SLC4A10: variants seen among roughly 807,000 people sequenced by gnomAD.
SLC4A10 encodes the protein sodium-driven chloride bicarbonate exchanger.
Under a neutral mutation model 137.7 loss-of-function variants are expected in SLC4A10, and 42 were observed. That is an observed-to-expected ratio of 0.30 (90% CI 0.24 to 0.39). The LOEUF (loss-of-function observed/expected upper bound fraction) is 0.39. Among genes scored for constraint, SLC4A10 ranks in the 10% least tolerant of loss-of-function variants. The probability of loss-of-function intolerance (pLI) is 1.00; values close to 1 mark genes in which losing one functional copy is unlikely to be tolerated. For missense variants in SLC4A10, 925 were observed against 1,355.0 expected, an observed-to-expected ratio of 0.68 and a Z score of 4.98; for synonymous variants, 474 against 464.1, an observed-to-expected ratio of 1.02 and a Z score of -0.27.
rs1484671365 is a variant in SLC4A10 at position 161,942,827 on chromosome 2, G to A, written c.2033G>A (p.Gly678Asp). Residue 678 changes from glycine to aspartate, a missense_variant, in exon 16 of 27, where the codon GGC becomes GAC. Physicochemically the swap from Gly to Asp is moderately conservative, Grantham distance 94. Transcript: ENST00000446997. ...NCVEPHNPSNGTLKEWRESNI... is the reference protein window; with the variant it reads ...NCVEPHNPSNDTLKEWRESNI... ...GTGGAACCGCATAATCCCAGCAATG[G>A]CACATTGAAGGAATGGAGGGAATCC... The A allele has an allele frequency of 5.6e-6, 9 of 1,605,830 alleles. No homozygotes were observed. Among genetic ancestry groups the A allele is most frequent in the Non-Finnish European group, 7.7e-6 (9 of 1,175,980 alleles).
At chr2:161,715,458 C>T (rs946955301) in intron 1 of SLC4A10, among the ~76,000 whole-genome samples, 1 of 152,008 alleles carries the variant, frequency 6.6e-6, no homozygotes, top group African/African-American at 2.4e-5. Flanking sequence ...AGGTATTAAG[C>T]CCAGCATGCA....
chr2:161,703,942 A>G (rs558725781), intron 1 of SLC4A10, among the ~76,000 whole-genome samples: 3 of 151,668 alleles, frequency 2.0e-5, no homozygotes, highest in Admixed American at 6.6e-5. Context: ...GCCTCCATCT[A>G]TAAGGTGTTC....
intron 1 of SLC4A10, among the ~76,000 whole-genome samples, chr2:161,653,489 C>T (rs922480243): frequency 6.6e-6 from 1 of 152,194 alleles, no homozygotes; most frequent in African/African-American, 2.4e-5. Flanking sequence ...CCCATTTTTC[C>T]ACATCCTCTC....
chr2:161,868,822 A>C (rs1040224756), intron 6 of SLC4A10, among the ~76,000 whole-genome samples: 2 of 151,672 alleles, frequency 1.3e-5, no homozygotes, highest in Admixed American at 1.3e-4. Context: ...TCAGTTTTTT[A>C]ATAACTTACC....
chr2:161,952,574 T>A (rs1694986933), intron 19 of SLC4A10, among the ~76,000 whole-genome samples: 1 of 152,208 alleles, frequency 6.6e-6, no homozygotes, highest in Non-Finnish European at 1.5e-5. Context: ...TTTTGCCCCT[T>A]ACTACTCTGG....
rs1350234206 is a variant in SLC4A10 at position 161,757,696 on chromosome 2, T to C, written c.49-13277T>C. ...CTTACTACCACTCTACTGCCTCTTATAAATCTAAGCTTAGTGCCAATTGAA... is the reference window on the plus strand; with the variant it reads ...CTTACTACCACTCTACTGCCTCTTACAAATCTAAGCTTAGTGCCAATTGAA... On this transcript the variant is annotated intron_variant, in intron 1 of 26. Coordinates refer to ENST00000446997, the MANE Select transcript of SLC4A10 (RefSeq NM_001178015.2). Among the ~76,000 whole-genome samples the C allele has an allele frequency of 2.0e-5, 3 of 152,160 alleles. No homozygotes were observed. The East Asian group carries it at 5.8e-4, about 29-fold the overall frequency.
intron 15 of SLC4A10, among the ~76,000 whole-genome samples, chr2:161,924,097 A>G (rs966386803): frequency 2.0e-5 from 3 of 152,194 alleles, no homozygotes. Flanking sequence ...TTAACAAAAA[A>G]GCTTGTTCCA....
intron 2 of SLC4A10, 111 bp downstream of exon 2, chr2:161,771,165 G>T: frequency 1.3e-6 from 1 of 748,216 alleles, no homozygotes; most frequent in Non-Finnish European, 2.3e-6. Flanking sequence ...TCAGAGTAAT[G>T]GTAGCTTACT....
chr2:161,741,467 A>G (rs986858045), intron 1 of SLC4A10, among the ~76,000 whole-genome samples: 1 of 151,998 alleles, frequency 6.6e-6, no homozygotes, highest in Non-Finnish European at 1.5e-5. Context: ...GTTCCATTTG[A>G]CCTACATCTC....
intron 2 of SLC4A10, among the ~76,000 whole-genome samples, chr2:161,784,026 T>A (rs1018826795): frequency 1.3e-5 from 2 of 151,582 alleles, no homozygotes; most frequent in African/African-American, 4.8e-5. Flanking sequence ...TTAGGCTCAA[T>A]GTGAAAGAAT....
At chr2:161,723,366 G>A (rs981237085) in intron 1 of SLC4A10, among the ~76,000 whole-genome samples, 5 of 152,178 alleles carry the variant, frequency 3.3e-5, no homozygotes, top group East Asian at 1.9e-4. Flanking sequence ...CGTGGGTCAC[G>A]CCAACTGCCT....
chr2:161,828,027 T>G (rs2058140566), intron 3 of SLC4A10, among the ~76,000 whole-genome samples: 1 of 152,198 alleles, frequency 6.6e-6, no homozygotes, highest in African/African-American at 2.4e-5. Context: ...GTCTTACTCC[T>G]GGGTTTACTC....
intron 1 of SLC4A10, among the ~76,000 whole-genome samples, chr2:161,742,523 C>A (rs2125253186): frequency 6.7e-6 from 1 of 149,152 alleles, no homozygotes; most frequent in Middle Eastern, 3.4e-3. Flanking sequence ...TCACTGCAAC[C>A]TCTGCCTCCT....
intron 2 of SLC4A10, among the ~76,000 whole-genome samples, chr2:161,791,865 T>C (rs2054247937): frequency 6.6e-6 from 1 of 152,184 alleles, no homozygotes; most frequent in African/African-American, 2.4e-5. Context: ...AAAATCTAAA[T>C]TATTTTTCTA....
intron 10 of SLC4A10, among the ~76,000 whole-genome samples, chr2:161,883,824 T>C (rs1168788062): frequency 1.3e-5 from 2 of 152,144 alleles, no homozygotes; most frequent in East Asian, 3.9e-4. Flanking sequence ...AGACAGACAT[T>C]TGTCATTTGA....
At chr2:161,932,060 A>G (rs1690495373) in intron 15 of SLC4A10, among the ~76,000 whole-genome samples, 2 of 152,156 alleles carry the variant, frequency 1.3e-5, no homozygotes, top group Admixed American at 1.3e-4. Context: ...AGGTTTTCAG[A>G]GTATGAAAAT....
intron 1 of SLC4A10, among the ~76,000 whole-genome samples, chr2:161,752,395 T>C (rs753766439): frequency 3.9e-5 from 6 of 152,040 alleles, no homozygotes; most frequent in Non-Finnish European, 8.8e-5. Context: ...CTTAAGGTGA[T>C]GAATGGTAGT....
At chr2:161,930,238 C>T (rs1281278875) in intron 15 of SLC4A10, among the ~76,000 whole-genome samples, 1 of 152,156 alleles carries the variant, frequency 6.6e-6, no homozygotes, top group Non-Finnish European at 1.5e-5. Flanking sequence ...ATCACATGCA[C>T]TGCTGGATTC....
At chr2:161,633,566 G>T (rs1446209920) in intron 1 of SLC4A10, among the ~76,000 whole-genome samples, 2 of 151,584 alleles carry the variant, frequency 1.3e-5, no homozygotes, top group African/African-American at 2.4e-5. Context: ...TATCTCCCAG[G>T]TTTGTGAGAA....
Sources: gnomAD v4.1 joint callset for allele counts (sites outside exome capture counted in the v4.1 genomes callset) on GRCh38, gnomAD v4.1.1 for gene constraint, MANE v1.5 for transcripts, NCBI Gene and HGNC (gene_info 2026-07-23, HGNC 2026-07-21) for gene names.